Variants in ASNS observed in about 807,000 individuals in gnomAD.
The protein encoded by ASNS is asparagine synthetase [glutamine-hydrolyzing].
Under a neutral mutation model 62.6 loss-of-function variants are expected in ASNS, and 37 were observed. The ratio of observed to expected loss-of-function variants is 0.59; its 90% CI spans 0.45 to 0.78. ASNS has a LOEUF of 0.78. ASNS is among the 30% of genes least tolerant of loss of function. ASNS has a pLI of 0.00. For missense variants in ASNS, 520 were observed against 682.4 expected (o/e 0.76, Z 2.65); for synonymous variants, 207 against 237.9 (o/e 0.87, Z 1.19).
the ASNS span, among the ~76,000 whole-genome samples, chr7:97,904,421 T>C: frequency 6.6e-6 from 1 of 152,030 alleles, no homozygotes; most frequent in Non-Finnish European, 1.5e-5. Context: ...GAAGTTGTTT[T>C]TCTCACTCAT....
chr7:97,867,869 A>G (rs1467659163), intron 3 of ASNS, among the ~76,000 whole-genome samples: 1 of 152,230 alleles, frequency 6.6e-6, no homozygotes, highest in Non-Finnish European at 1.5e-5. Context: ...GCAACAAACA[A>G]TGACAAAAGC....
chr7:97,885,418 G>C, the ASNS span, among the ~76,000 whole-genome samples: 1 of 151,780 alleles, frequency 6.6e-6, no homozygotes, highest in Non-Finnish European at 1.5e-5. Context: ...TGGAAGTGGT[G>C]GGTCATAGAA....
chr7:97,918,421 A>G, the ASNS span, among the ~76,000 whole-genome samples: 1 of 152,162 alleles, frequency 6.6e-6, no homozygotes, highest in Non-Finnish European at 1.5e-5. Context: ...GAAAAGGCGG[A>G]AACCATCCAA....
chr7:97,869,293 T>C, intron 2 of ASNS, 114 bp from the exon 3 acceptor site: 2 of 1,228,166 alleles, frequency 1.6e-6, no homozygotes, highest in African/African-American at 1.5e-5. Flanking sequence ...ATTTAAACCA[T>C]CTTTTCTATA....
chr7:97,924,678 A>T, the ASNS span, among the ~76,000 whole-genome samples: 1 of 152,214 alleles, frequency 6.6e-6, no homozygotes, highest in African/African-American at 2.4e-5. Context: ...GGAACAGGCA[A>T]GTCTTGTGCA....
rs1282820771 is a variant in ASNS, at chr7:97,867,404, T to C, written c.249+1504A>G. On this transcript the variant is annotated intron_variant, in intron 3 of 12. Coordinates refer to ENST00000394308, the MANE Select transcript of ASNS (RefSeq NM_001673.5). ...GCCCCAACTACATAAACTTAGATGC[T>C]TGGTAGAAGCAATGGAACAAACTTC... Among the ~76,000 whole-genome samples, 3 of 152,232 alleles carry C rather than the reference T, an allele frequency of 2.0e-5. No individual in the cohort carries two copies. In the East Asian group the frequency reaches 5.8e-4, roughly 29 times the overall value.
At chr7:97,894,752 A>G in the ASNS span, among the ~76,000 whole-genome samples, 2 of 152,136 alleles carry the variant, frequency 1.3e-5, no homozygotes, top group East Asian at 3.9e-4. Flanking sequence ...AAAAGAGAAA[A>G]GCCCTAGACT....
chr7:97,870,968 G>A (rs1260152817), intron 1 of ASNS, among the ~76,000 whole-genome samples: 1 of 152,082 alleles, frequency 6.6e-6, no homozygotes, highest in Non-Finnish European at 1.5e-5. Flanking sequence ...TCTTATAGGA[G>A]GGCAAAGTTC....
rs1317309447 is a variant in ASNS at position 97,860,961 on chromosome 7, G to A, written c.488-1563C>T. Among the ~76,000 whole-genome samples the A allele has an allele frequency of 3.3e-5, 5 of 150,730 alleles. No homozygotes were observed. In the East Asian group the frequency reaches 5.9e-4, roughly 18 times the overall value. Reference sequence around the variant, plus strand: ...CAATTTACTTCTATGTTTGCTTCTCGGGATTTTATAGTTTTAGCCCTTACA... The same window carrying A: ...CAATTTACTTCTATGTTTGCTTCTCAGGATTTTATAGTTTTAGCCCTTACA... On this transcript the variant is annotated intron_variant, in intron 4 of 12. Coordinates refer to ENST00000394308, the MANE Select transcript of ASNS (RefSeq NM_001673.5).
upstream of ASNS, among the ~76,000 whole-genome samples, chr7:97,875,479 G>A (rs2115803366): frequency 6.6e-6 from 1 of 152,338 alleles, no homozygotes; most frequent in East Asian, 1.9e-4. Flanking sequence ...TGTCTGGGCT[G>A]TGTTAGGGCA....
chr7:97,859,985 G>T (rs1791637019), intron 4 of ASNS, among the ~76,000 whole-genome samples: 1 of 152,156 alleles, frequency 6.6e-6, no homozygotes, highest in Non-Finnish European at 1.5e-5. Context: ...AGACAGTACA[G>T]TACCCAACCT....
the ASNS span, among the ~76,000 whole-genome samples, chr7:97,882,286 C>T: frequency 1.3e-5 from 2 of 152,150 alleles, no homozygotes; most frequent in East Asian, 3.9e-4. Flanking sequence ...CAGTGGCTCA[C>T]GCCTGTAATC....
rs6959868 is a variant in ASNS, at chr7:97,852,895, G to A, written c.1476+165C>T. On this transcript the variant is annotated intron_variant, in intron 12 of 12. Coordinates refer to ENST00000394308, the MANE Select transcript of ASNS (RefSeq NM_001673.5). ...AGAGACTCTGAATCTCTCTGATAGG[G>A]ACATCCTATCAGAGAGATATCTGAT... is the stretch of plus-strand genomic sequence containing the variant. Among the ~76,000 whole-genome samples, 7,482 of 152,118 alleles carry A rather than the reference G, an allele frequency of 0.049. 228 individuals carry two copies. The highest frequency in any genetic ancestry group is 0.09 in the East Asian group (466 of 5,174).
At chr7:97,917,095 C>T in the ASNS span, among the ~76,000 whole-genome samples, 4 of 151,834 alleles carry the variant, frequency 2.6e-5, no homozygotes, top group Non-Finnish European at 5.9e-5. Flanking sequence ...AACCCCCACA[C>T]GGAACTCTCA....
At chr7:97,862,904 G>C (rs574027370) in intron 4 of ASNS, among the ~76,000 whole-genome samples, 1 of 152,138 alleles carries the variant, frequency 6.6e-6, no homozygotes, top group Non-Finnish European at 1.5e-5. Flanking sequence ...TAAGATGCTG[G>C]ACATCACTGT....
At chr7:97,856,650 TA>T (rs757326690) in intron 8 of ASNS, 39 bp downstream of exon 8, 3 of 1,492,466 alleles carry the variant, frequency 2.0e-6, no homozygotes, top group Non-Finnish European at 2.7e-6. Flanking sequence ...TTTTCAGTAT[TA>T]AAAAAAGCTT....
the ASNS span, among the ~76,000 whole-genome samples, chr7:97,884,545 G>A: frequency 1.3e-5 from 2 of 152,036 alleles, no homozygotes; most frequent in South Asian, 2.1e-4. Context: ...GTGAAAGTCC[G>A]TCTCCAAAAA....
At chr7:97,890,049 T>C in the ASNS span, among the ~76,000 whole-genome samples, 1 of 150,152 alleles carries the variant, frequency 6.7e-6, no homozygotes, top group Non-Finnish European at 1.5e-5. Context: ...GAATAAATCA[T>C]TGAAATAAAT....
At chr7:97,899,017 G>A in the ASNS span, 2 of 700,474 alleles carry the variant, frequency 2.9e-6, no homozygotes, top group African/African-American at 1.8e-5. Context: ...CATAGGAGGT[G>A]CTTTCACATC....
Sources: allele counts gnomAD v4.1 joint callset (sites outside exome capture counted in the v4.1 genomes callset), GRCh38; gene constraint gnomAD v4.1.1; transcripts MANE v1.5; gene names NCBI Gene and HGNC (gene_info 2026-07-23, HGNC 2026-07-21).